CAMK2N2: variants seen among roughly 807,000 people sequenced by gnomAD.
CAMK2N2 encodes calcium/calmodulin-dependent protein kinase II inhibitor 2.
CAMK2N2 carries 3 observed loss-of-function variants against 7.8 expected under a neutral mutation model. That is an observed-to-expected ratio of 0.38 (90% confidence interval 0.18 to 0.99). The LOEUF is 0.99. Among genes scored for constraint, CAMK2N2 ranks in the 50% least tolerant of loss-of-function variants. CAMK2N2 has a pLI of 0.37. For synonymous variants in CAMK2N2, 45 were observed against 46.6 expected (o/e 0.97, Z 0.14); for missense variants, 85 against 108.4 (o/e 0.78, Z 0.96).
chr3:184,261,173 G>A lies in CAMK2N2; in HGVS notation c.113C>T (p.Ala38Val). Residue 38 changes from alanine (A) to valine (V), a missense_variant, in exon 1 of 2, where the codon GCG becomes GTG. Coordinates refer to ENST00000296238, the MANE Select transcript of CAMK2N2 (RefSeq NM_033259.3). The surrounding 1 kb of genome is among the most constrained non-coding windows in gnomAD (Gnocchi z 5.1). ...GGGGGGTCGCTTGGCCTGGTTGCCC[G>A]CGAAGAAGGAGTTGGTGTCCTGCAG... ...CRLQDTNSFF[A>V]GNQAKRPPKL... 1 of 1,607,768 alleles carries A rather than the reference G, an allele frequency of 6.2e-7. No individual in the cohort carries two copies. Among genetic ancestry groups the A allele is most frequent in the Non-Finnish European group, 8.5e-7 (1 of 1,177,822 alleles).
At position 184,260,295 on chromosome 3, in the gene CAMK2N2, G is replaced by T; in HGVS notation, c.170-68C>A. On this transcript the variant is annotated intron_variant, in intron 1 of 1. Coordinates refer to ENST00000296238, the MANE Select transcript of CAMK2N2 (RefSeq NM_033259.3). The surrounding 1 kb of genome is among the most constrained non-coding windows in gnomAD (Gnocchi z 6.6). ...CGGCGGCGATGAGAATGAGCCCCGC[G>T]TCCTAGCTTCCCGCGCAGCTACTGC... 1 of 1,472,166 alleles carries T rather than the reference G, an allele frequency of 6.8e-7. No homozygotes were observed. Among genetic ancestry groups the T allele is most frequent in the Non-Finnish European group, 9.4e-7 (1 of 1,064,928 alleles). The allele number at this position is 1,472,166 out of a possible 1,614,324, so 91.2% of individuals were successfully genotyped here. A position where few individuals can be genotyped will look rare whatever the true frequency, so the allele number is the denominator to read the frequency against.
In CAMK2N2 at chr3:184,261,409, C is replaced by T. The variant is rs1260316478; in HGVS notation, c.-124G>A. 1.3e-5 allele frequency: 10 copies of T among 796,786 alleles called. No homozygotes were observed. In the East Asian group the frequency reaches 3.8e-4, roughly 30 times the overall value. 49.4% of individuals were successfully genotyped at this position (796,786 alleles called of 1,614,324 possible). ...CGGAAGGATGAAGTCATGCAGCATC[C>T]GGGGCTGAGGAGCCAAGCGGGGCCT... On this transcript the variant is annotated 5_prime_UTR_variant, in exon 1 of 2. Transcript: ENST00000296238. This position sits in a 1 kb window ranked among gnomAD's most constrained non-coding sequence, Gnocchi z 5.1.
In CAMK2N2 at chr3:184,260,227, A is replaced by G. The variant is rs1452895163; in HGVS notation, c.170T>C (p.Val57Ala). 6.2e-7 allele frequency: 1 copy of G among 1,608,412 alleles called. No homozygotes were observed. Among genetic ancestry groups the G allele is most frequent in the Non-Finnish European group, 8.5e-7 (1 of 1,177,472 alleles). ...KLGQIGRAKR[V>A]VIEDDRIDDV... ...GTCTATCCGGTCATCCTCGATCACC[A>G]CTGCGCAGGGAGAAAGCGCGTCAGC... Residue 57 changes from valine to alanine, a missense_variant and splice_region_variant, in exon 2 of 2, where the codon GTG (valine) becomes GCG (alanine). Transcript: ENST00000296238. This position sits in a 1 kb window ranked among gnomAD's most constrained non-coding sequence, Gnocchi z 6.6.
At position 184,261,231 on chromosome 3, in the gene CAMK2N2, G is replaced by A. The variant is rs1450031365; in HGVS notation, c.55C>T (p.Pro19Ser). The A allele has an allele frequency of 1.2e-6, 2 of 1,604,118 alleles. No individual in the cohort carries two copies. Among genetic ancestry groups the A allele is most frequent in the African/African-American group, 1.4e-5 (1 of 73,202 alleles). Reference sequence around the variant, plus strand: ...CTGAAGGAGAGGTCGGAGCCCTCGGGGTCTGCGCCGAAGCGGCCCATCTTG... The same window carrying A: ...CTGAAGGAGAGGTCGGAGCCCTCGGAGTCTGCGCCGAAGCGGCCCATCTTG... The part of the protein sequence containing the change: ...EDKMGRFGAD[P>S]EGSDLSFSCR... Residue 19 changes from proline (P) to serine (S), a missense_variant, in exon 1 of 2, where the codon CCC becomes TCC. Transcript: ENST00000296238. This position sits in a 1 kb window ranked among gnomAD's most constrained non-coding sequence, Gnocchi z 5.1.
At position 184,261,103 on chromosome 3, in the gene CAMK2N2, C is replaced by G; in HGVS notation, c.169+14G>C. On this transcript the variant is annotated intron_variant, in intron 1 of 1. Coordinates refer to ENST00000296238, the MANE Select transcript of CAMK2N2 (RefSeq NM_033259.3). This position sits in a 1 kb window ranked among gnomAD's most constrained non-coding sequence, Gnocchi z 5.1. ...TTCTGGGTCAGGCGGCGACTCCGGG[C>G]CCGGGCCGCGTACCTCGCTTGGCTC... The G allele has an allele frequency of 1.3e-6, 2 of 1,590,590 alleles. No homozygotes were observed. Among genetic ancestry groups the G allele is most frequent in the Non-Finnish European group, 1.7e-6 (2 of 1,171,842 alleles).
In CAMK2N2 at chr3:184,259,930, T is replaced by A. The variant is rs1560173272; in HGVS notation, c.*227A>T. On this transcript the variant is annotated 3_prime_UTR_variant, in exon 2 of 2. Transcript: ENST00000296238. ...CTGCGGCCCGAGGTTTTAAAGTGCA[T>A]GAGCGCGGCGGCGGGTTCCGGGCGG... 6.6e-6 allele frequency: 1 copy of A among 151,706 alleles called. No individual in the cohort carries two copies. 9.4% of individuals were successfully genotyped at this position (151,706 alleles called of 1,614,324 possible). A position where few individuals can be genotyped will look rare whatever the true frequency, so the allele number is the denominator to read the frequency against.
Position 184,259,255 on chromosome 3 carries a change from G to A in CAMK2N2, c.*902C>T, listed in dbSNP as rs1719942798. The A allele has an allele frequency of 6.5e-6, 1 of 152,756 alleles. No homozygotes were observed. The highest frequency in any genetic ancestry group is 1.5e-5 in the Non-Finnish European group (1 of 68,148). 9.5% of individuals were successfully genotyped at this position (152,756 alleles called of 1,614,324 possible). Reference sequence around the variant, plus strand: ...TTTATTCACACACTCCTGGTACAGTGAGGATGGAGGAACATTTACGAAGGG... The same window carrying A: ...TTTATTCACACACTCCTGGTACAGTAAGGATGGAGGAACATTTACGAAGGG... On this transcript the variant is annotated 3_prime_UTR_variant, in exon 2 of 2. Coordinates refer to ENST00000296238, the MANE Select transcript of CAMK2N2 (RefSeq NM_033259.3).
In CAMK2N2 at chr3:184,259,790, G is replaced by C. The variant is rs1719965780; in HGVS notation, c.*367C>G. On this transcript the variant is annotated 3_prime_UTR_variant, in exon 2 of 2. Coordinates refer to ENST00000296238, the MANE Select transcript of CAMK2N2 (RefSeq NM_033259.3). ...CGCGGTCCGACACCGGCGGCCGCCC[G>C]GTCTGCAGACCAGACTGGCCGGAGG... The C allele has an allele frequency of 6.7e-6, 1 of 149,214 alleles. No individual in the cohort carries two copies. The highest frequency in any genetic ancestry group is 6.6e-5 in the Admixed American group (1 of 15,090). 9.2% of individuals were successfully genotyped at this position (149,214 alleles called of 1,614,324 possible). A position where few individuals can be genotyped will look rare whatever the true frequency, so the allele number is the denominator to read the frequency against.
chr3:184,261,161 G>T lies in CAMK2N2; in HGVS notation c.125C>A (p.Ala42Asp). ...CTGGCCCAGCTTGGGGGGTCGCTTG[G>T]CCTGGTTGCCCGCGAAGAAGGAGTT... The part of the protein sequence containing the change: ...DTNSFFAGNQ[A>D]KRPPKLGQIG... The change falls in exon 1 of 2, where the codon GCC (alanine) becomes GAC (aspartate). Residue 42 changes from alanine (A) to aspartate (D), a missense_variant. Ala to Asp is a moderately radical substitution (Grantham distance 126). Coordinates refer to ENST00000296238, the MANE Select transcript of CAMK2N2 (RefSeq NM_033259.3). This position sits in a 1 kb window ranked among gnomAD's most constrained non-coding sequence, Gnocchi z 5.1. 1 of 1,607,112 alleles carries T rather than the reference G, an allele frequency of 6.2e-7. No individual in the cohort carries two copies. Among genetic ancestry groups the T allele is most frequent in the Non-Finnish European group, 8.5e-7 (1 of 1,177,616 alleles).
Position 184,261,188 on chromosome 3 carries a change from G to C in CAMK2N2, c.98C>G (p.Thr33Ser), listed in dbSNP as rs549018417. 1 of 1,608,576 alleles carries C rather than the reference G, an allele frequency of 6.2e-7. No homozygotes were observed. Among genetic ancestry groups the C allele is most frequent in the African/African-American group, 1.4e-5 (1 of 73,966 alleles). ...CTGGTTGCCCGCGAAGAAGGAGTTGGTGTCCTGCAGGCGGCAGCTGAAGGA... is the reference window on the plus strand; with the variant it reads ...CTGGTTGCCCGCGAAGAAGGAGTTGCTGTCCTGCAGGCGGCAGCTGAAGGA... The part of the protein sequence containing the change: ...DLSFSCRLQD[T>S]NSFFAGNQAK... Residue 33 changes from threonine to serine, a missense_variant, in exon 1 of 2, where the codon ACC becomes AGC. Thr to Ser is a moderately conservative substitution (Grantham distance 58). Coordinates refer to ENST00000296238, the MANE Select transcript of CAMK2N2 (RefSeq NM_033259.3). The surrounding 1 kb of genome is among the most constrained non-coding windows in gnomAD (Gnocchi z 5.1).
chr3:184,261,019 C>A lies in CAMK2N2; in HGVS notation c.169+98G>T. On this transcript the variant is annotated intron_variant, in intron 1 of 1. Coordinates refer to ENST00000296238, the MANE Select transcript of CAMK2N2 (RefSeq NM_033259.3). The surrounding 1 kb of genome is among the most constrained non-coding windows in gnomAD (Gnocchi z 5.1). ...GGAGAGCGGCTGGTGCGCTGGTCTG[C>A]GGCAAGAGCTGCGGGCACTCGGCGG... 1 of 1,265,704 alleles carries A rather than the reference C, an allele frequency of 7.9e-7. No individual in the cohort carries two copies. The highest frequency in any genetic ancestry group is 1.0e-6 in the Non-Finnish European group (1 of 963,536). The allele number at this position is 1,265,704 out of a possible 1,614,324, so 78.4% of individuals were successfully genotyped here. A position where few individuals can be genotyped will look rare whatever the true frequency, so the allele number is the denominator to read the frequency against.
Position 184,260,284 on chromosome 3 carries a change from A to C in CAMK2N2, c.170-57T>G. 6.5e-7 allele frequency: 1 copy of C among 1,528,080 alleles called. No individual in the cohort carries two copies. The highest frequency in any genetic ancestry group is 9.0e-7 in the Non-Finnish European group (1 of 1,111,322). 94.7% of individuals were successfully genotyped at this position (1,528,080 alleles called of 1,614,324 possible). A position where few individuals can be genotyped will look rare whatever the true frequency, so the allele number is the denominator to read the frequency against. ...GCCTCGGGGGGCGGCGGCGATGAGA[A>C]TGAGCCCCGCGTCCTAGCTTCCCGC... On this transcript the variant is annotated intron_variant, in intron 1 of 1. Transcript: ENST00000296238. The surrounding 1 kb of genome is among the most constrained non-coding windows in gnomAD (Gnocchi z 6.6).
At position 184,261,465 on chromosome 3, in the gene CAMK2N2, T is replaced by G. The variant is rs1158521654; in HGVS notation, c.-180A>C. 4 of 197,544 alleles carry G rather than the reference T, an allele frequency of 2.0e-5. No individual in the cohort carries two copies. Among genetic ancestry groups the G allele is most frequent in the African/African-American group, 4.1e-5 (1 of 24,604 alleles). 12.2% of individuals were successfully genotyped at this position (197,544 alleles called of 1,614,324 possible). On this transcript the variant is annotated 5_prime_UTR_variant, in exon 1 of 2. Transcript: ENST00000296238. This position sits in a 1 kb window ranked among gnomAD's most constrained non-coding sequence, Gnocchi z 5.1. ...CCCGCGCCTCCGCCTCCCGGGCCGC[T>G]GGGCAGGCGGCGGCGGCGGCGGTGG...
Position 184,261,390 on chromosome 3 carries a change from G to T in CAMK2N2, c.-105C>A. The T allele has an allele frequency of 2.0e-6, 2 of 1,014,282 alleles. No individual in the cohort carries two copies. Among genetic ancestry groups the T allele is most frequent in the Non-Finnish European group, 2.6e-6 (2 of 768,016 alleles). 62.8% of individuals were successfully genotyped at this position (1,014,282 alleles called of 1,614,324 possible). A position where few individuals can be genotyped will look rare whatever the true frequency, so the allele number is the denominator to read the frequency against. The stretch of plus-strand genomic sequence containing the variant: ...ACCTCAGCAGGGGAGCCGGCGGAAG[G>T]ATGAAGTCATGCAGCATCCGGGGCT... On this transcript the variant is annotated 5_prime_UTR_variant, in exon 1 of 2. Transcript: ENST00000296238. The surrounding 1 kb of genome is among the most constrained non-coding windows in gnomAD (Gnocchi z 5.1).
Position 184,261,105 on chromosome 3 carries a change from C to A in CAMK2N2, c.169+12G>T. 6.3e-7 allele frequency: 1 copy of A among 1,591,670 alleles called. No individual in the cohort carries two copies. Among genetic ancestry groups the A allele is most frequent in the East Asian group, 2.4e-5 (1 of 42,512 alleles). On this transcript the variant is annotated intron_variant, in intron 1 of 1. Coordinates refer to ENST00000296238, the MANE Select transcript of CAMK2N2 (RefSeq NM_033259.3). This position sits in a 1 kb window ranked among gnomAD's most constrained non-coding sequence, Gnocchi z 5.1. ...CTGGGTCAGGCGGCGACTCCGGGCCCGGGCCGCGTACCTCGCTTGGCTCGG... is the reference window on the plus strand; with the variant it reads ...CTGGGTCAGGCGGCGACTCCGGGCCAGGGCCGCGTACCTCGCTTGGCTCGG...
chr3:184,261,058 G>T lies in CAMK2N2; in HGVS notation c.169+59C>A. The stretch of plus-strand genomic sequence containing the variant: ...GGCACTCGGCGGGGAACGGCAGCCG[G>T]GGGGCGCCCGGCGGAGGGTTTCTGG... On this transcript the variant is annotated intron_variant, in intron 1 of 1. Transcript: ENST00000296238. The surrounding 1 kb of genome is among the most constrained non-coding windows in gnomAD (Gnocchi z 5.1). 6.7e-7 allele frequency: 1 copy of T among 1,499,432 alleles called. No homozygotes were observed. Among genetic ancestry groups the T allele is most frequent in the Non-Finnish European group, 8.8e-7 (1 of 1,131,548 alleles). 92.9% of individuals were successfully genotyped at this position (1,499,432 alleles called of 1,614,324 possible). A position where few individuals can be genotyped will look rare whatever the true frequency, so the allele number is the denominator to read the frequency against.
In CAMK2N2 at chr3:184,259,679, G is replaced by C. The variant is rs1463452943; in HGVS notation, c.*478C>G. ...CTGAGGCTGGGGTCACGCCAGACAG[G>C]GGTGGGGGCGAGGAACGGCCCGGAG... On this transcript the variant is annotated 3_prime_UTR_variant, in exon 2 of 2. Coordinates refer to ENST00000296238, the MANE Select transcript of CAMK2N2 (RefSeq NM_033259.3). The C allele has an allele frequency of 1.3e-5, 2 of 152,782 alleles. No individual in the cohort carries two copies. Among genetic ancestry groups the C allele is most frequent in the African/African-American group, 4.8e-5 (2 of 41,466 alleles). 9.5% of individuals were successfully genotyped at this position (152,782 alleles called of 1,614,324 possible).
Position 184,260,311 on chromosome 3 carries a change from C to A in CAMK2N2, c.170-84G>T. ...GAGCCCCGCGTCCTAGCTTCCCGCG[C>A]AGCTACTGCCCGTGGCCCAGCGACG... On this transcript the variant is annotated intron_variant, in intron 1 of 1. Coordinates refer to ENST00000296238, the MANE Select transcript of CAMK2N2 (RefSeq NM_033259.3). The surrounding 1 kb of genome is among the most constrained non-coding windows in gnomAD (Gnocchi z 6.6). 7.4e-7 allele frequency: 1 copy of A among 1,344,776 alleles called. No homozygotes were observed. Among genetic ancestry groups the A allele is most frequent in the Non-Finnish European group, 1.0e-6 (1 of 959,344 alleles). The allele number at this position is 1,344,776 out of a possible 1,614,324, so 83.3% of individuals were successfully genotyped here.
In CAMK2N2 at chr3:184,260,266, G is replaced by T. The variant is rs1368267246; in HGVS notation, c.170-39C>A. 1.9e-6 allele frequency: 3 copies of T among 1,592,644 alleles called. No individual in the cohort carries two copies. The highest frequency in any genetic ancestry group is 2.2e-5 in the South Asian group (2 of 90,608). On this transcript the variant is annotated intron_variant, in intron 1 of 1. Transcript: ENST00000296238. This position sits in a 1 kb window ranked among gnomAD's most constrained non-coding sequence, Gnocchi z 6.6. ...AAGCGCGTCAGCCGCGCGGCCTCGG[G>T]GGGCGGCGGCGATGAGAATGAGCCC...
Sources: allele counts gnomAD v4.1 joint callset, GRCh38; gene constraint gnomAD v4.1.1; non-coding constraint Gnocchi (gnomAD v3.1); transcripts MANE v1.5; gene names NCBI Gene and HGNC (gene_info 2026-07-23, HGNC 2026-07-21).